Variants in AGBL4 observed in about 807,000 individuals in gnomAD.
AGBL4 encodes the protein cytosolic carboxypeptidase 6.
AGBL4 carries 58 observed loss-of-function variants against 66.4 expected under a neutral mutation model. The ratio of observed to expected loss-of-function variants is 0.87; its 90% CI spans 0.71 to 1.09. The LOEUF (loss-of-function observed/expected upper bound fraction) is 1.09. Among genes scored for constraint, AGBL4 ranks in the 50% least tolerant of loss-of-function variants. The probability of loss-of-function intolerance (pLI) is 0.00; values close to 1 mark genes in which losing one functional copy is unlikely to be tolerated. For synonymous variants in AGBL4, 234 were observed against 222.9 expected, an observed-to-expected ratio of 1.05 and a Z score of -0.44; for missense variants, 579 against 631.0, an observed-to-expected ratio of 0.92 and a Z score of 0.88.
intron 4 of AGBL4, among the ~76,000 whole-genome samples, chr1:49,214,775 A>C (rs1185058179): frequency 6.6e-6 from 1 of 152,124 alleles, no homozygotes; most frequent in African/African-American, 2.4e-5. Context: ...TTTAGAAAAA[A>C]GATTGAAATG....
intron 3 of AGBL4, among the ~76,000 whole-genome samples, chr1:49,376,721 C>G (rs1644479683): frequency 6.6e-6 from 1 of 152,066 alleles, no homozygotes; most frequent in African/African-American, 2.4e-5. Context: ...TCTTTAAGAT[C>G]ATTTTAGAGG....
chr1:49,039,352 G>A (rs1664921647), intron 5 of AGBL4, among the ~76,000 whole-genome samples: 2 of 152,110 alleles, frequency 1.3e-5, no homozygotes, highest in Non-Finnish European at 2.9e-5. Context: ...TGTTAATGAT[G>A]TGTCAACGTA....
chr1:49,938,005 C>A (rs1185438755), intron 1 of AGBL4, among the ~76,000 whole-genome samples: 3 of 150,594 alleles, frequency 2.0e-5, no homozygotes, highest in Non-Finnish European at 4.4e-5. Flanking sequence ...CAGAGCAGAA[C>A]TGAAGAAAAT....
At chr1:49,220,795 C>A (rs1649434877) in intron 4 of AGBL4, among the ~76,000 whole-genome samples, 1 of 152,166 alleles carries the variant, frequency 6.6e-6, no homozygotes, top group Non-Finnish European at 1.5e-5. Flanking sequence ...CCTAAACTTT[C>A]AGAGGCTCTG....
intron 4 of AGBL4, among the ~76,000 whole-genome samples, chr1:49,215,769 T>C (rs1397630019): frequency 6.6e-6 from 1 of 152,132 alleles, no homozygotes; most frequent in Non-Finnish European, 1.5e-5. Flanking sequence ...CTTTCTTGTA[T>C]TACTGAAGTA....
chr1:48,696,400 A>C (rs764365522), intron 6 of AGBL4, among the ~76,000 whole-genome samples: 2 of 152,186 alleles, frequency 1.3e-5, no homozygotes, highest in Admixed American at 1.3e-4. Context: ...GGAAGGATCT[A>C]TGGGTGTTAG....
rs553052168 is a variant in AGBL4, at chr1:48,815,558, T to C, written c.634+51633A>G. Among the ~76,000 whole-genome samples the C allele has an allele frequency of 2.0e-5, 3 of 152,192 alleles. No homozygotes were observed. The East Asian group carries it at 5.8e-4, about 29-fold the overall frequency. Reference sequence around the variant, plus strand: ...GTTTCCTTATCTAAAAAAAAATAGGTGTCATAATTCCTACCAGATAAGTTT... The same window carrying C: ...GTTTCCTTATCTAAAAAAAAATAGGCGTCATAATTCCTACCAGATAAGTTT... On this transcript the variant is annotated intron_variant, in intron 6 of 13. Coordinates refer to ENST00000371839, the MANE Select transcript of AGBL4 (RefSeq NM_032785.4).
At chr1:48,612,102 G>A (rs911824944) in intron 9 of AGBL4, among the ~76,000 whole-genome samples, 8 of 152,332 alleles carry the variant, frequency 5.3e-5, no homozygotes, top group South Asian at 2.1e-4. Context: ...CTGCCAGTGC[G>A]GCCAGGGGCC....
At chr1:48,610,935 A>G (rs1168780824) in intron 9 of AGBL4, among the ~76,000 whole-genome samples, 1 of 152,210 alleles carries the variant, frequency 6.6e-6, no homozygotes, top group East Asian at 1.9e-4. Context: ...TGAGGACAAA[A>G]AACCATCAAA....
At chr1:49,346,247 AG>A (rs1645632078) in intron 3 of AGBL4, among the ~76,000 whole-genome samples, 1 of 152,096 alleles carries the variant, frequency 6.6e-6, no homozygotes, top group Admixed American at 6.5e-5. Flanking sequence ...GTTGTTTTTG[AG>A]GGTTTTTGTT....
intron 2 of AGBL4, among the ~76,000 whole-genome samples, chr1:49,839,765 A>T (rs1353722230): frequency 6.6e-6 from 1 of 152,202 alleles, no homozygotes; most frequent in Admixed American, 6.5e-5. Flanking sequence ...TTATCCTCAT[A>T]CATTTAGGTG....
At chr1:48,673,049 T>C (rs916270654) in intron 6 of AGBL4, among the ~76,000 whole-genome samples, 1 of 152,106 alleles carries the variant, frequency 6.6e-6, no homozygotes, top group African/African-American at 2.4e-5. Flanking sequence ...ATTTGAACCT[T>C]CTCTATCTCA....
chr1:49,017,677 T>G (rs1662919479), intron 5 of AGBL4, among the ~76,000 whole-genome samples: 1 of 152,180 alleles, frequency 6.6e-6, no homozygotes, highest in Non-Finnish European at 1.5e-5. Context: ...ATGTCTAGAT[T>G]GCTCACAATA....
chr1:49,750,462 G>T (rs1353770680), intron 2 of AGBL4, among the ~76,000 whole-genome samples: 1 of 152,110 alleles, frequency 6.6e-6, no homozygotes, highest in African/African-American at 2.4e-5. Flanking sequence ...TATCTGTTTT[G>T]GTACCTGTAC....
intron 2 of AGBL4, among the ~76,000 whole-genome samples, chr1:49,766,667 A>G (rs1652755085): frequency 6.6e-6 from 1 of 152,002 alleles, no homozygotes. Flanking sequence ...GGACCCTTCC[A>G]TCCACTATCT....
At chr1:49,841,697 G>C in intron 2 of AGBL4, 1 of 225,486 alleles carries the variant, frequency 4.4e-6, no homozygotes, top group Non-Finnish European at 8.8e-6. Flanking sequence ...ATTTCTAAGC[G>C]GCAAAGCATA....
At chr1:48,650,448 T>A (rs1343283371) in intron 8 of AGBL4, among the ~76,000 whole-genome samples, 1 of 36,094 alleles carries the variant, frequency 2.8e-5, no homozygotes, top group African/African-American at 6.9e-5. Flanking sequence ...GAACCAACCT[T>A]CCTTCCTTCC....
intron 11 of AGBL4, among the ~76,000 whole-genome samples, chr1:48,554,523 C>CAATG (rs1363784955): frequency 9.2e-5 from 14 of 152,272 alleles, no homozygotes; most frequent in African/African-American, 3.4e-4. Flanking sequence ...AGCAAAACAG[C>CAATG]AATGAATCCC....
intron 11 of AGBL4, among the ~76,000 whole-genome samples, chr1:48,555,701 G>A (rs942345616): frequency 6.6e-6 from 1 of 152,126 alleles, no homozygotes; most frequent in African/African-American, 2.4e-5. Flanking sequence ...TGGTGAAGTG[G>A]GATTTGAAGG....
Sources: allele counts gnomAD v4.1 joint callset (sites outside exome capture counted in the v4.1 genomes callset), GRCh38; gene constraint gnomAD v4.1.1; transcripts MANE v1.5; gene names NCBI Gene and HGNC (gene_info 2026-07-23, HGNC 2026-07-21).